The following HERC5 variants were observed in gnomAD, a reference collection of about 807,000 sequenced individuals.
The protein encoded by HERC5 is HECT and RLD domain containing E3 ubiquitin protein ligase 5.
HERC5 carries 99 observed loss-of-function variants against 119.6 expected under a neutral mutation model. The ratio of observed to expected loss-of-function variants is 0.83; its 90% CI spans 0.70 to 0.98. HERC5 has a LOEUF of 0.98. HERC5 is among the 50% of genes least tolerant of loss of function. The pLI, the probability that HERC5 is intolerant of heterozygous loss-of-function variation, is 0.00. For missense variants in HERC5, 1,267 were observed against 1,241.3 expected (o/e 1.02, Z -0.31); for synonymous variants, 478 against 445.9 (o/e 1.07, Z -0.91).
rs200318350 is a variant in HERC5, at chr4:88,504,368, G to C, written c.2719G>C (p.Asp907His). 1.7e-5 allele frequency: 28 copies of C among 1,610,790 alleles called. No individual in the cohort carries two copies. The East Asian group carries it at 6.0e-4, about 35-fold the overall frequency. Reference protein sequence around the residue: ...IKLFHPEELKDVIVGNTDYDW... With the variant: ...IKLFHPEELKHVIVGNTDYDW... ...ATTATTCCACCCCGAAGAACTGAAG[G>C]ATGTGATTGTTGGAAATACAGATTA... Residue 907 changes from aspartate (D) to histidine (H), a missense_variant, in exon 21 of 23, where the codon GAT becomes CAT. Physicochemically the swap from Asp to His is moderately conservative, Grantham distance 81 (BLOSUM62 -1). This residue lies in a region of HERC5 where 473 missense variants were observed against 445.7 expected (regional missense o/e 1.06). Transcript: ENST00000264350.
At chr4:88,479,588 T>G in intron 13 of HERC5, 81 bp downstream of exon 13, 1 of 1,193,954 alleles carries the variant, frequency 8.4e-7, no homozygotes, top group Non-Finnish European at 1.2e-6. Context: ...AATCTTTAAG[T>G]AGACTCGTGT....
chr4:88,460,239 A>T, intron 3 of HERC5, 68 bp downstream of exon 3: 1 of 740,806 alleles, frequency 1.3e-6, no homozygotes, highest in Non-Finnish European at 2.3e-6. Context: ...AGCCAGTAGA[A>T]TGTCTATATT....
chr4:88,489,363 T>A, intron 16 of HERC5, 27 bp downstream of exon 16: 1 of 1,561,536 alleles, frequency 6.4e-7, no homozygotes, highest in Non-Finnish European at 8.7e-7. Flanking sequence ...ACTTAATGTT[T>A]TTGCTGCTGA....
chr4:88,491,837 A>G (rs534000065), intron 16 of HERC5, among the ~76,000 whole-genome samples: 4 of 152,008 alleles, frequency 2.6e-5, no homozygotes, highest in Non-Finnish European at 5.9e-5. Flanking sequence ...ATTCCAGGAA[A>G]AGGCAGGAAT....
intron 6 of HERC5, among the ~76,000 whole-genome samples, chr4:88,464,946 A>G (rs1740603529): frequency 6.6e-6 from 1 of 151,500 alleles, no homozygotes; most frequent in Non-Finnish European, 1.5e-5. Context: ...AATTTTTTGT[A>G]TTTTTAGTAA....
At chr4:88,493,293 A>T in intron 17 of HERC5, 138 bp downstream of exon 17, 1 of 709,866 alleles carries the variant, frequency 1.4e-6, no homozygotes, top group Non-Finnish European at 2.2e-6. Context: ...TATAATTCTA[A>T]TAAGGTGATT....
chr4:88,470,349 C>T (rs550608952), intron 9 of HERC5, among the ~76,000 whole-genome samples: 52 of 152,234 alleles, frequency 3.4e-4, no homozygotes, highest in Admixed American at 5.2e-4. Flanking sequence ...ATAAATCAAG[C>T]CTTTCCTCTT....
chr4:88,505,905 TTTGTTGTTGTTATCG>T lies in HERC5; in HGVS notation c.*39_*53del, dbSNP rs1434510180. 2 of 1,535,258 alleles carry T rather than the reference TTTGTTGTTGTTATCG, an allele frequency of 1.3e-6. No individual in the cohort carries two copies. Among genetic ancestry groups the T allele is most frequent in the Non-Finnish European group, 1.8e-6 (2 of 1,121,532 alleles). ...CAGCTTGCTTGTCCAACAGCCTTAT[TTTGTTGTTGTTATCG>T]TTGTTGTTGTTGTTGTTGTTGTTGT... On this transcript the variant is annotated 3_prime_UTR_variant, in exon 23 of 23. Transcript: ENST00000264350.
At chr4:88,463,328 C>G (rs1340508321) in intron 4 of HERC5, among the ~76,000 whole-genome samples, 1 of 150,608 alleles carries the variant, frequency 6.6e-6, no homozygotes, top group African/African-American at 2.4e-5. Flanking sequence ...AGGTGGGTGC[C>G]CCTAAGTGTG....
chr4:88,503,497 A>C (rs888533043), intron 20 of HERC5, among the ~76,000 whole-genome samples: 5 of 152,210 alleles, frequency 3.3e-5, no homozygotes, highest in African/African-American at 1.2e-4. Context: ...TAGCATCTAT[A>C]CTATACATGT....
At chr4:88,486,265 C>A (rs774503918) in intron 14 of HERC5, 37 bp downstream of exon 14, 2 of 1,245,758 alleles carry the variant, frequency 1.6e-6, no homozygotes, top group East Asian at 2.4e-5. Flanking sequence ...AATTGATAAT[C>A]AGTGAGTTAA....
intron 13 of HERC5, 31 bp downstream of exon 13, chr4:88,479,538 T>G (rs1313329355): frequency 1.3e-6 from 2 of 1,508,066 alleles, no homozygotes; most frequent in Non-Finnish European, 1.8e-6. Context: ...CTCTGTGTTT[T>G]TATCTAGCTG....
At chr4:88,492,955 T>C in intron 16 of HERC5, 57 bp from the exon 17 acceptor site, 1 of 1,533,320 alleles carries the variant, frequency 6.5e-7, no homozygotes. Flanking sequence ...AAATGAGACT[T>C]CATATATAGC....
At chr4:88,489,762 G>A (rs1008623133) in intron 16 of HERC5, among the ~76,000 whole-genome samples, 20 of 152,074 alleles carry the variant, frequency 1.3e-4, no homozygotes, top group South Asian at 2.1e-4. Flanking sequence ...TAATCCCGGC[G>A]CTTTGGGATG....
intron 7 of HERC5, 116 bp downstream of exon 7, chr4:88,467,320 A>G: frequency 9.6e-7 from 1 of 1,040,044 alleles, no homozygotes; most frequent in Non-Finnish European, 1.4e-6. Context: ...GTTTCTCTAA[A>G]TACTGGTTTC....
chr4:88,492,192 C>T (rs182230315), intron 16 of HERC5, among the ~76,000 whole-genome samples: 24 of 151,566 alleles, frequency 1.6e-4, no homozygotes, highest in Admixed American at 1.1e-3. Flanking sequence ...TTAGTAGAGA[C>T]GGGGTTTCAC....
intron 3 of HERC5, 84 bp downstream of exon 3, chr4:88,460,255 T>C (rs1740379877): frequency 6.2e-6 from 4 of 642,310 alleles, no homozygotes; most frequent in Non-Finnish European, 1.1e-5. Context: ...ATATTTCACT[T>C]GTAACAGGAC....
rs1742097102 is a variant in HERC5 at position 88,506,092 on chromosome 4, C to T, written c.*214C>T. 1 of 536,590 alleles carries T rather than the reference C, an allele frequency of 1.9e-6. No individual in the cohort carries two copies. Among genetic ancestry groups the T allele is most frequent in the Admixed American group, 3.5e-5 (1 of 28,404 alleles). The allele number at this position is 536,590 out of a possible 1,614,324, so 33.2% of individuals were successfully genotyped here. The stretch of plus-strand genomic sequence containing the variant: ...TGACTGTATTCTCTCCCTTGGATAC[C>T]CCTATGCCTACATCATATTCCTTAC... On this transcript the variant is annotated 3_prime_UTR_variant, in exon 23 of 23. Coordinates refer to ENST00000264350, the MANE Select transcript of HERC5 (RefSeq NM_016323.4).
At position 88,493,215 on chromosome 4, in the gene HERC5, T is replaced by C. The variant is rs1026712253; in HGVS notation, c.2277+60T>C. 26 of 1,476,822 alleles carry C rather than the reference T, an allele frequency of 1.8e-5. No individual in the cohort carries two copies. In the Admixed American group the frequency reaches 4.6e-4, roughly 26 times the overall value. 91.5% of individuals were successfully genotyped at this position (1,476,822 alleles called of 1,614,324 possible). A position where few individuals can be genotyped will look rare whatever the true frequency, so the allele number is the denominator to read the frequency against. Reference sequence around the variant, plus strand: ...GACAGAAAAAGTACACCATATACCATAGAAAATTAGTTTGTCTAGACTATT... The same window carrying C: ...GACAGAAAAAGTACACCATATACCACAGAAAATTAGTTTGTCTAGACTATT... On this transcript the variant is annotated intron_variant, in intron 17 of 22. Coordinates refer to ENST00000264350, the MANE Select transcript of HERC5 (RefSeq NM_016323.4).
Sources: gnomAD v4.1 joint callset for allele counts (sites outside exome capture counted in the v4.1 genomes callset) on GRCh38, gnomAD v4.1.1 for gene constraint, gnomAD v4.1.1 regional missense constraint, MANE v1.5 for transcripts, NCBI Gene and HGNC (gene_info 2026-07-23, HGNC 2026-07-21) for gene names.